Variants in SLC9A6 observed in about 807,000 individuals in gnomAD.
SLC9A6 encodes solute carrier family 9 member A6.
A neutral mutation model predicts 45.3 loss-of-function variants in SLC9A6; 6 were observed. That is an observed-to-expected ratio of 0.13 (90% CI 0.07 to 0.26). SLC9A6 has a LOEUF of 0.26. Ranked by LOEUF, SLC9A6 falls within the 10% of genes least tolerant of loss-of-function variation. SLC9A6 has a pLI of 1.00. For synonymous variants in SLC9A6, 191 were observed against 187.7 expected, an observed-to-expected ratio of 1.02 and a Z score of -0.14; for missense variants, 278 against 503.7, an observed-to-expected ratio of 0.55 and a Z score of 4.29.
chrX:136,017,357 G>T (rs781936528), intron 11 of SLC9A6, among the ~76,000 whole-genome samples: 5 of 108,876 alleles, frequency 4.6e-5, no homozygotes, highest in African/African-American at 1.7e-4. Flanking sequence ...GTTTGAGGCT[G>T]CAGTGAGCTG....
chrX:135,974,512 C>T, upstream of SLC9A6: 1 of 180,242 alleles, frequency 5.5e-6, no homozygotes, highest in South Asian at 4.9e-5. Flanking sequence ...GGAGGTGGGG[C>T]CGAGGGGCGG....
intron 15 of SLC9A6, among the ~76,000 whole-genome samples, chrX:136,032,047 G>A (rs1379978057): frequency 8.9e-6 from 1 of 112,214 alleles, no homozygotes; most frequent in African/African-American, 3.2e-5. Flanking sequence ...CTCTGTGCTT[G>A]CTTGCTTATT....
At chrX:136,024,036 G>A (rs908093384) in intron 12 of SLC9A6, among the ~76,000 whole-genome samples, 1 of 110,618 alleles carries the variant, frequency 9.0e-6, no homozygotes, top group Non-Finnish European at 1.9e-5. Flanking sequence ...ACAGGCATGC[G>A]CCATCATGGC....
intron 10 of SLC9A6, among the ~76,000 whole-genome samples, chrX:136,015,578 A>G (rs1265778019): frequency 1.8e-5 from 2 of 112,088 alleles, no homozygotes; most frequent in Non-Finnish European, 3.8e-5. Context: ...TTAAAACGAG[A>G]TAATGCATAT....
rs375116007 is a variant in SLC9A6 at position 136,013,449 on chromosome X, T to G, written c.1080+12T>G. On this transcript the variant is annotated intron_variant, in intron 10 of 17. Transcript: ENST00000630721. ...ATAGAACTAAACAGGTAAGAGGAAC[T>G]TTATAGTTTGTGAATAGGCTTTTCC... The G allele has an allele frequency of 2.6e-5, 29 of 1,110,582 alleles. No individual in the cohort carries two copies. The highest frequency in any genetic ancestry group is 3.6e-5 in the Non-Finnish European group (29 of 805,902). 91.5% of individuals were successfully genotyped at this position (1,110,582 alleles called of 1,213,427 possible).
At chrX:136,015,093 G>A (rs1424418623) in intron 10 of SLC9A6, among the ~76,000 whole-genome samples, 1 of 111,213 alleles carries the variant, frequency 9.0e-6, no homozygotes, top group African/African-American at 3.3e-5. Context: ...CCAGCCCTCC[G>A]GCCACATCCG....
chrX:136,044,376 T>G, intron 17 of SLC9A6, 76 bp from the exon 18 acceptor site: 1 of 903,658 alleles, frequency 1.1e-6, no homozygotes, highest in Middle Eastern at 3.4e-4. Flanking sequence ...TAATGGGGGA[T>G]CCTCGAAAAT....
At chrX:136,014,657 C>T (rs2070986195) in intron 10 of SLC9A6, among the ~76,000 whole-genome samples, 1 of 112,525 alleles carries the variant, frequency 8.9e-6, no homozygotes, top group Non-Finnish European at 1.9e-5. Context: ...CCCAGCTACT[C>T]AGGAGGCTGA....
chrX:135,980,534 A>G (rs1452449857), upstream of SLC9A6, among the ~76,000 whole-genome samples: 1 of 110,986 alleles, frequency 9.0e-6, no homozygotes, highest in African/African-American at 3.3e-5. Flanking sequence ...GATTTCTTTG[A>G]CACTTCATTA....
At chrX:135,995,484 G>A (rs562644119) in intron 3 of SLC9A6, among the ~76,000 whole-genome samples, 1 of 110,160 alleles carries the variant, frequency 9.1e-6, no homozygotes, top group African/African-American at 3.3e-5. Flanking sequence ...CACCACACCC[G>A]GCTGATTTTT....
intron 7 of SLC9A6, among the ~76,000 whole-genome samples, chrX:136,005,119 G>A (rs1556617805): frequency 2.7e-5 from 3 of 111,936 alleles, no homozygotes; most frequent in African/African-American, 9.8e-5. Flanking sequence ...GAAAATCTCT[G>A]TTCTGGTCTT....
intron 5 of SLC9A6, 120 bp downstream of exon 5, chrX:135,998,678 A>C: frequency 1.5e-6 from 1 of 649,217 alleles, no homozygotes; most frequent in East Asian, 3.5e-5. Flanking sequence ...TGCAATATTC[A>C]CGTAGGTAAT....
Position 135,985,493 on chromosome X carries a change from G to C in SLC9A6, c.-57+16G>C, listed in dbSNP as rs782525200. Reference sequence around the variant, plus strand: ...CGCCGGTGAGGTAGGGGCGGGAGGCGGGGGGAGACATGGCTCGGCGCGGCT... The same window carrying C: ...CGCCGGTGAGGTAGGGGCGGGAGGCCGGGGGAGACATGGCTCGGCGCGGCT... On this transcript the variant is annotated intron_variant, in intron 1 of 17. Transcript: ENST00000630721. The C allele has an allele frequency of 2.7e-5, 29 of 1,079,933 alleles. No individual in the cohort carries two copies. The highest frequency in any genetic ancestry group is 2.6e-4 in the South Asian group (11 of 42,844). 89.0% of individuals were successfully genotyped at this position (1,079,933 alleles called of 1,213,427 possible). A position where few individuals can be genotyped will look rare whatever the true frequency, so the allele number is the denominator to read the frequency against.
chrX:136,009,229 C>T (rs187248351), intron 7 of SLC9A6, among the ~76,000 whole-genome samples: 93 of 111,589 alleles, frequency 8.3e-4, no homozygotes, highest in Non-Finnish European at 4.3e-4. Context: ...ATCTACTGTT[C>T]CAAAATGATC....
At chrX:135,999,209 C>T (rs190577200) in intron 6 of SLC9A6, among the ~76,000 whole-genome samples, 2 of 108,422 alleles carry the variant, frequency 1.8e-5, no homozygotes, top group East Asian at 2.9e-4. Flanking sequence ...CACAAGTTGA[C>T]GCTGTTTCAA....
At chrX:135,994,229 T>A (rs2089469787) in intron 2 of SLC9A6, among the ~76,000 whole-genome samples, 1 of 108,782 alleles carries the variant, frequency 9.2e-6, no homozygotes, top group Non-Finnish European at 1.9e-5. Context: ...CTCAGCCTCC[T>A]GAGTAGCTGG....
chrX:136,026,766 C>T (rs1186404778), intron 13 of SLC9A6, among the ~76,000 whole-genome samples: 1 of 111,826 alleles, frequency 8.9e-6, no homozygotes, highest in African/African-American at 3.3e-5. Flanking sequence ...AAACTCCTGG[C>T]CTCAAGTGAT....
intron 11 of SLC9A6, among the ~76,000 whole-genome samples, chrX:136,021,480 T>G (rs1316651058): frequency 2.7e-5 from 3 of 112,593 alleles, no homozygotes; most frequent in African/African-American, 9.7e-5. Context: ...TCTTTAGTCT[T>G]ACAGATTCTT....
intron 6 of SLC9A6, among the ~76,000 whole-genome samples, chrX:136,000,122 G>A (rs1410482462): frequency 9.3e-6 from 1 of 107,920 alleles, no homozygotes; most frequent in African/African-American, 3.4e-5. Flanking sequence ...ATGGGAGTGC[G>A]TGCCTGTAGT....
Sources: allele counts gnomAD v4.1 joint callset (sites outside exome capture counted in the v4.1 genomes callset), GRCh38; gene constraint gnomAD v4.1.1; transcripts MANE v1.5; gene names NCBI Gene and HGNC (gene_info 2026-07-23, HGNC 2026-07-21).